The following NMBR variants were observed in gnomAD, a reference collection of about 807,000 sequenced individuals.
NMBR encodes neuromedin B receptor, also known as neuromedin-B receptor.
NMBR carries 16 observed loss-of-function variants against 20.5 expected under a neutral mutation model. The observed-to-expected ratio is 0.78, with a 90% CI of 0.53 to 1.19. The LOEUF (loss-of-function observed/expected upper bound fraction) is 1.19. Among genes scored for constraint, NMBR ranks in the 50% most tolerant of loss-of-function variants. NMBR has a pLI of 0.00. For missense variants in NMBR, 582 were observed against 499.1 expected (o/e 1.17, Z -1.58); for synonymous variants, 212 against 196.6 (o/e 1.08, Z -0.65).
chr6:142,076,650 C>T (rs1776956203), intron 3 of NMBR, among the ~76,000 whole-genome samples: 2 of 152,122 alleles, frequency 1.3e-5, no homozygotes, highest in Non-Finnish European at 2.9e-5. Context: ...ATAAAATTTA[C>T]ATATTATGTT....
intron 1 of NMBR, among the ~76,000 whole-genome samples, chr6:142,137,507 C>T (rs1034956781): frequency 2.0e-5 from 3 of 152,174 alleles, no homozygotes; most frequent in Non-Finnish European, 4.4e-5. Context: ...TGCCTAATTG[C>T]CCTGGCCGGA....
chr6:142,137,325 T>C (rs1235388418), intron 1 of NMBR, among the ~76,000 whole-genome samples: 1 of 152,154 alleles, frequency 6.6e-6, no homozygotes, highest in Non-Finnish European at 1.5e-5. Context: ...CGAATGCTTG[T>C]GATTTTTGTA....
chr6:142,111,769 G>A (rs565324016), intron 1 of NMBR, among the ~76,000 whole-genome samples: 14 of 152,232 alleles, frequency 9.2e-5, no homozygotes, highest in African/African-American at 3.4e-4. Context: ...GCATCAGTAC[G>A]CTCTAAGTAA....
intron 2 of NMBR, among the ~76,000 whole-genome samples, chr6:142,082,677 T>G (rs1467938544): frequency 1.3e-5 from 2 of 152,214 alleles, no homozygotes; most frequent in African/African-American, 2.4e-5. Flanking sequence ...GCCACAGGCT[T>G]CCTGCAAGGT....
chr6:142,111,114 C>T (rs574650496), intron 1 of NMBR, among the ~76,000 whole-genome samples: 204 of 152,040 alleles, frequency 1.3e-3, no homozygotes, highest in Middle Eastern at 0.01. Context: ...GTGGCATGCG[C>T]GTGTATTCCC....
chr6:142,131,673 G>C (rs1174705343), intron 1 of NMBR, among the ~76,000 whole-genome samples: 1 of 152,118 alleles, frequency 6.6e-6, no homozygotes, highest in Non-Finnish European at 1.5e-5. Flanking sequence ...TTATTCCTTT[G>C]TTTTATTACC....
intron 1 of NMBR, among the ~76,000 whole-genome samples, chr6:142,098,578 G>T (rs1397694643): frequency 6.6e-6 from 1 of 152,076 alleles, no homozygotes; most frequent in East Asian, 1.9e-4. Context: ...AAAATTTACA[G>T]TCACCCTGAA....
In NMBR at chr6:142,134,090, A is replaced by G. The variant is rs1487041694; in HGVS notation, c.-664+12954T>C. 1.1e-5 allele frequency: 6 copies of G among 551,094 alleles called. No homozygotes were observed. In the South Asian group the frequency reaches 1.6e-4, roughly 15 times the overall value. The allele number at this position is 551,094 out of a possible 1,614,324, so 34.1% of individuals were successfully genotyped here. On this transcript the variant is annotated intron_variant, in intron 1 of 3. Coordinates refer to ENST00000258042, the MANE Select transcript of NMBR (RefSeq NM_002511.4). ...TCTACAACAAACTCATTTTCTCTTT[A>G]AATGTAAAATAATGTCATAATATGA...
chr6:142,077,818 A>G (rs1345932842), intron 3 of NMBR, among the ~76,000 whole-genome samples: 4 of 152,248 alleles, frequency 2.6e-5, no homozygotes, highest in Non-Finnish European at 5.9e-5. Context: ...CTAGCTGTAC[A>G]CAAATGTACA....
At chr6:142,123,840 C>T (rs1777986553) in intron 1 of NMBR, among the ~76,000 whole-genome samples, 2 of 152,010 alleles carry the variant, frequency 1.3e-5, no homozygotes, top group Middle Eastern at 6.8e-3. Flanking sequence ...AGGTGGCACA[C>T]CCATAAGCCG....
Position 142,088,338 on chromosome 6 carries a change from G to T in NMBR, c.321C>A (p.Asp107Glu), listed in dbSNP as rs1777240504. The T allele has an allele frequency of 1.2e-6, 2 of 1,614,040 alleles. No homozygotes were observed. Among genetic ancestry groups the T allele is most frequent in the Non-Finnish European group, 1.7e-6 (2 of 1,180,042 alleles). Reference sequence around the variant, plus strand: ...AGCCCACCTTGCCAAACATCCACTCGTCGAAGAAGTAGCGCGAGGCGTCCA... The same window carrying T: ...AGCCCACCTTGCCAAACATCCACTCTTCGAAGAAGTAGCGCGAGGCGTCCA... The part of the protein sequence containing the change: ...VPVDASRYFF[D>E]EWMFGKVGCK... Residue 107 changes from aspartate to glutamate, a missense_variant, in exon 2 of 4, where the codon GAC becomes GAA. Transcript: ENST00000258042.
chr6:142,094,917 G>T (rs1173909682), intron 1 of NMBR, among the ~76,000 whole-genome samples: 1 of 152,128 alleles, frequency 6.6e-6, no homozygotes, highest in Non-Finnish European at 1.5e-5. Context: ...TGAAGCAATT[G>T]TGAATGGGAA....
intron 1 of NMBR, among the ~76,000 whole-genome samples, chr6:142,108,372 T>C (rs1777697037): frequency 6.6e-6 from 1 of 152,208 alleles, no homozygotes; most frequent in African/African-American, 2.4e-5. Context: ...AGTAAGGTTA[T>C]GTACTAGTCT....
chr6:142,085,955 T>A (rs1473309815), intron 2 of NMBR, among the ~76,000 whole-genome samples: 2 of 152,270 alleles, frequency 1.3e-5, no homozygotes, highest in South Asian at 2.1e-4. Context: ...GTGCTTCTTT[T>A]ATTTTGCAGT....
Position 142,074,824 on chromosome 6 carries a change from C to A in NMBR, c.*824G>T, listed in dbSNP as rs1776896244. Among the ~76,000 whole-genome samples the A allele has an allele frequency of 1.3e-5, 2 of 151,920 alleles. No homozygotes were observed. The highest frequency in any genetic ancestry group is 1.3e-4 in the Admixed American group (2 of 15,250). On this transcript the variant is annotated 3_prime_UTR_variant, in exon 4 of 4. Transcript: ENST00000258042. ...CTTTGCAATTTGGGACATATGATAC[C>A]TATTTTACATTCATAATGTAAATCA...
intron 1 of NMBR, among the ~76,000 whole-genome samples, chr6:142,100,096 A>T (rs1436350067): frequency 6.6e-6 from 1 of 152,236 alleles, no homozygotes; most frequent in African/African-American, 2.4e-5. Flanking sequence ...GATGTGGAAC[A>T]ATAGGAATTC....
At chr6:142,088,166 C>G in intron 2 of NMBR, 71 bp downstream of exon 2, 1 of 1,490,380 alleles carries the variant, frequency 6.7e-7, no homozygotes, top group Non-Finnish European at 9.1e-7. Context: ...TAGGTGCACT[C>G]CGGGTGAGTC....
intron 1 of NMBR, among the ~76,000 whole-genome samples, chr6:142,124,512 T>C (rs1248440905): frequency 1.3e-5 from 2 of 151,846 alleles, no homozygotes; most frequent in African/African-American, 4.8e-5. Context: ...AGAATTAACA[T>C]TGTGTGTTTA....
intron 3 of NMBR, 130 bp downstream of exon 3, chr6:142,078,425 T>C: frequency 5.0e-6 from 3 of 602,334 alleles, no homozygotes; most frequent in East Asian, 5.5e-5. Flanking sequence ...ACATATCCCT[T>C]CTAGTTAAGG....
Sources: allele counts gnomAD v4.1 joint callset (sites outside exome capture counted in the v4.1 genomes callset), GRCh38; gene constraint gnomAD v4.1.1; transcripts MANE v1.5; gene names NCBI Gene and HGNC (gene_info 2026-07-23, HGNC 2026-07-21).